The following PTPRQ variants were observed in gnomAD, a reference collection of about 807,000 sequenced individuals.
The protein encoded by PTPRQ is phosphatidylinositol phosphatase PTPRQ.
Under a neutral mutation model 246.0 loss-of-function variants are expected in PTPRQ, and 199 were observed. The observed-to-expected ratio is 0.81, with a 90% CI of 0.72 to 0.91. PTPRQ has a LOEUF of 0.91. PTPRQ is among the 40% of genes least tolerant of loss of function. PTPRQ has a pLI of 0.00. For synonymous variants in PTPRQ, 869 were observed against 853.2 expected, an observed-to-expected ratio of 1.02 and a Z score of -0.32; for missense variants, 2,624 against 2,528.4, an observed-to-expected ratio of 1.04 and a Z score of -0.81.
chr12:80,519,872 A>G (rs181233829), intron 17 of PTPRQ, among the ~76,000 whole-genome samples: 11 of 152,248 alleles, frequency 7.2e-5, no homozygotes, highest in South Asian at 2.1e-4. Flanking sequence ...TCAAAGCTGT[A>G]ATTATGGCTT....
intron 30 of PTPRQ, among the ~76,000 whole-genome samples, 188 bp downstream of exon 30, chr12:80,616,454 C>T (rs1482720546): frequency 6.6e-6 from 1 of 150,596 alleles, no homozygotes; most frequent in African/African-American, 2.4e-5. Context: ...TGTGAATTAC[C>T]ATGTTAAATA....
In PTPRQ at chr12:80,541,667, A is replaced by G; in HGVS notation, c.3267A>G (p.Ser1089=). 4.5e-6 allele frequency: 7 copies of G among 1,551,234 alleles called. No individual in the cohort carries two copies. The highest frequency in any genetic ancestry group is 6.1e-6 in the Non-Finnish European group (7 of 1,146,700). The change falls in exon 21 of 45, where the codon TCA becomes TCG. Residue 1089 remains serine (S), a synonymous_variant. Coordinates refer to ENST00000644991, the MANE Select transcript of PTPRQ (RefSeq NM_001145026.2). ...QPNGLVFYYV[S]LILQQTPRHV... is the part of the protein sequence containing the mutation. ...ACGGTCTAGTCTTCTACTATGTTTCACTGATCTTACAGCAGACTCCTCGCC... is the reference window on the plus strand; with the variant it reads ...ACGGTCTAGTCTTCTACTATGTTTCGCTGATCTTACAGCAGACTCCTCGCC...
intron 3 of PTPRQ, among the ~76,000 whole-genome samples, chr12:80,447,210 G>T (rs1892581370): frequency 6.6e-6 from 1 of 151,948 alleles, no homozygotes; most frequent in African/African-American, 2.4e-5. Flanking sequence ...CTTCTTTTGA[G>T]AAATGTCTGT....
At chr12:80,672,163 C>G (rs1900989526) in intron 42 of PTPRQ, among the ~76,000 whole-genome samples, 1 of 151,878 alleles carries the variant, frequency 6.6e-6, no homozygotes, top group African/African-American at 2.4e-5. Context: ...CAGGCACATT[C>G]TTGGTCTGTT....
intron 14 of PTPRQ, 109 bp from the exon 15 acceptor site, chr12:80,505,915 C>A: frequency 8.4e-7 from 1 of 1,186,272 alleles, no homozygotes; most frequent in Non-Finnish European, 1.1e-6. Flanking sequence ...CGATTACATT[C>A]TAGTGAAGGT....
At chr12:80,625,462 T>C (rs1231927299) in intron 33 of PTPRQ, among the ~76,000 whole-genome samples, 7 of 152,298 alleles carry the variant, frequency 4.6e-5, no homozygotes, top group African/African-American at 1.4e-4. Flanking sequence ...GTTGAAACTT[T>C]GGGATTTAAG....
At position 80,620,361 on chromosome 12, in the gene PTPRQ, C is replaced by CA; in HGVS notation, c.5603dup (p.Gln1869AlafsTer5). ...AAAATTTGCAATGGACCACTGAAAC[C>CA]AAAAAAGCAATACTTGTAAGTATAG... On this transcript the variant is annotated frameshift_variant, in exon 32 of 45. Coordinates refer to ENST00000644991, the MANE Select transcript of PTPRQ (RefSeq NM_001145026.2). LOFTEE classifies it high-confidence loss of function. 6.5e-7 allele frequency: 1 copy of CA among 1,547,566 alleles called. No homozygotes were observed. The highest frequency in any genetic ancestry group is 8.7e-7 in the Non-Finnish European group (1 of 1,144,760).
intron 25 of PTPRQ, chr12:80,583,639 G>C (rs1026770957): frequency 6.6e-6 from 1 of 152,188 alleles, no homozygotes; most frequent in African/African-American, 2.4e-5. Flanking sequence ...GTAGGGGGAG[G>C]TTTGTATTGG....
chr12:80,663,973 G>A (rs933189345), intron 39 of PTPRQ, among the ~76,000 whole-genome samples: 1 of 151,882 alleles, frequency 6.6e-6, no homozygotes, highest in Admixed American at 6.6e-5. Context: ...AGCTTGAACT[G>A]CATGCCTATT....
intron 33 of PTPRQ, among the ~76,000 whole-genome samples, chr12:80,623,598 C>T (rs192222383): frequency 1.3e-5 from 2 of 152,082 alleles, no homozygotes; most frequent in African/African-American, 2.4e-5. Context: ...AAGTAGTGAT[C>T]CTGGTGCATT....
At chr12:80,673,145 T>G (rs940743203) in intron 42 of PTPRQ, 24 bp from the exon 43 acceptor site, 3 of 1,548,704 alleles carry the variant, frequency 1.9e-6, no homozygotes, top group Non-Finnish European at 2.6e-6. Context: ...TGAATAATTT[T>G]CATGTAATTT....
At chr12:80,635,176 C>T in intron 35 of PTPRQ, 103 bp downstream of exon 35, 4 of 1,459,690 alleles carry the variant, frequency 2.7e-6, no homozygotes, top group Non-Finnish European at 3.6e-6. Flanking sequence ...CTAATTTACA[C>T]AGGTCACAGA....
At chr12:80,604,418 G>A (rs546386944) in intron 26 of PTPRQ, among the ~76,000 whole-genome samples, 136 of 151,440 alleles carry the variant, frequency 9.0e-4, no homozygotes, top group African/African-American at 3.0e-3. Context: ...CTTGTTTTGC[G>A]TTACTGAAAA....
Position 80,541,628 on chromosome 12 carries a change from A to C in PTPRQ, c.3228A>C (p.Pro1076=). ...SSTAINVSWV[P]PAQPNGLVFY... ...CTGCAATAAATGTAAGCTGGGTCCC[A>C]CCGGCTCAACCAAACGGTCTAGTCT... Residue 1076 remains proline (P), a synonymous_variant, in exon 21 of 45, where the codon CCA becomes CCC. Coordinates refer to ENST00000644991, the MANE Select transcript of PTPRQ (RefSeq NM_001145026.2). 6.5e-7 allele frequency: 1 copy of C among 1,548,722 alleles called. No homozygotes were observed. The highest frequency in any genetic ancestry group is 8.7e-7 in the Non-Finnish European group (1 of 1,145,620).
intron 8 of PTPRQ, among the ~76,000 whole-genome samples, chr12:80,480,409 C>A (rs1309943854): frequency 1.3e-5 from 2 of 151,792 alleles, no homozygotes; most frequent in African/African-American, 2.4e-5. Context: ...TAAATGCCCA[C>A]AAGAGAAAGC....
chr12:80,481,657 G>A (rs1455397908), intron 8 of PTPRQ, among the ~76,000 whole-genome samples: 5 of 152,030 alleles, frequency 3.3e-5, no homozygotes, highest in Non-Finnish European at 7.3e-5. Flanking sequence ...TCCTTAATCT[G>A]ATAAGCAACT....
Position 80,647,509 on chromosome 12 carries a change from T to C in PTPRQ, c.5916-1388T>C, listed in dbSNP as rs550996046. On this transcript the variant is annotated intron_variant, in intron 35 of 44. Coordinates refer to ENST00000644991, the MANE Select transcript of PTPRQ (RefSeq NM_001145026.2). Reference sequence around the variant, plus strand: ...GGATGTAGCCTGTAGTTTATCTTTCTTTCTTGCTGGTCTTCGCTGAGGGGT... The same window carrying C: ...GGATGTAGCCTGTAGTTTATCTTTCCTTCTTGCTGGTCTTCGCTGAGGGGT... Among the ~76,000 whole-genome samples, 445 of 152,250 alleles carry C rather than the reference T, an allele frequency of 2.9e-3. 10 individuals are homozygous for C. The highest frequency in any genetic ancestry group is 4.4e-4 in the Non-Finnish European group (30 of 68,000).
intron 36 of PTPRQ, 49 bp downstream of exon 36, chr12:80,648,972 A>G (rs1048405875): frequency 8.6e-5 from 127 of 1,478,138 alleles, no homozygotes; most frequent in Non-Finnish European, 1.1e-4. Context: ...TCAAAGTTAG[A>G]TGCACTGACT....
rs1433225068 is a variant in PTPRQ at position 80,444,752 on chromosome 12, C to T, written c.66C>T (p.Ser22=). ...IGTSETQVDV[S]NVVPGTRYDI... ...TTGTGGTGTTCTAGGTTGATGTTTCCAATGTCGTTCCTGGTACTAGGTACG... is the reference window on the plus strand; with the variant it reads ...TTGTGGTGTTCTAGGTTGATGTTTCTAATGTCGTTCCTGGTACTAGGTACG... Residue 22 remains serine, a synonymous_variant, in exon 2 of 45, where the codon TCC becomes TCT. Transcript: ENST00000644991. 1.5e-5 allele frequency: 23 copies of T among 1,537,998 alleles called. No individual in the cohort carries two copies. Among genetic ancestry groups the T allele is most frequent in the East Asian group, 2.5e-5 (1 of 40,374 alleles).
Sources: allele counts gnomAD v4.1 joint callset (sites outside exome capture counted in the v4.1 genomes callset), GRCh38; gene constraint gnomAD v4.1.1; transcripts MANE v1.5; gene names NCBI Gene and HGNC (gene_info 2026-07-23, HGNC 2026-07-21).